PXDNL: variants seen among roughly 807,000 people sequenced by gnomAD.
PXDNL encodes probable oxidoreductase PXDNL.
PXDNL carries 145 observed loss-of-function variants against 150.8 expected under a neutral mutation model. The observed-to-expected ratio is 0.96, with a 90% CI of 0.84 to 1.10. The LOEUF (loss-of-function observed/expected upper bound fraction) is 1.10, where lower values mean the gene tolerates loss of function less well. PXDNL is among the 50% of genes least tolerant of loss of function. The probability of loss-of-function intolerance (pLI) is 0.00; values close to 1 mark genes in which losing one functional copy is unlikely to be tolerated. For missense variants in PXDNL, 2,087 were observed against 1,873.9 expected (o/e 1.11, Z -2.10); for synonymous variants, 757 against 725.7 (o/e 1.04, Z -0.69).
At chr8:51,329,518 AAC>A (rs1805616465) in intron 21 of PXDNL, among the ~76,000 whole-genome samples, 1 of 152,246 alleles carries the variant, frequency 6.6e-6, no homozygotes, top group African/African-American at 2.4e-5. Flanking sequence ...GAAGGGAAAA[AAC>A]ACAGTTTTAA....
chr8:51,757,186 A>AC (rs2037111332), intron 1 of PXDNL, among the ~76,000 whole-genome samples: 1 of 152,208 alleles, frequency 6.6e-6, no homozygotes. Flanking sequence ...AACATGTAAC[A>AC]GTAGTAACAA....
chr8:51,509,720 G>A (rs1474126736), intron 4 of PXDNL, among the ~76,000 whole-genome samples: 1 of 142,794 alleles, frequency 7.0e-6, no homozygotes, highest in Non-Finnish European at 1.5e-5. Context: ...GGTTCTGTGT[G>A]TACATATATA....
intron 1 of PXDNL, among the ~76,000 whole-genome samples, chr8:51,687,279 A>G (rs943063663): frequency 2.0e-5 from 3 of 152,340 alleles, no homozygotes; most frequent in Middle Eastern, 3.4e-3. Flanking sequence ...ATTTGTCATT[A>G]TATTTTAGGA....
intron 1 of PXDNL, among the ~76,000 whole-genome samples, chr8:51,682,357 G>A (rs1269455261): frequency 6.6e-6 from 1 of 152,118 alleles, no homozygotes; most frequent in Non-Finnish European, 1.5e-5. Context: ...AAGAGAATAG[G>A]CAATGACACC....
intron 1 of PXDNL, among the ~76,000 whole-genome samples, chr8:51,716,642 A>ATAT (rs1816621674): frequency 6.6e-6 from 1 of 152,230 alleles, no homozygotes; most frequent in African/African-American, 2.4e-5. Context: ...GATTTTCTCC[A>ATAT]TATTACTTTT....
chr8:51,664,289 C>T (rs1255827515), intron 1 of PXDNL, among the ~76,000 whole-genome samples: 1 of 152,122 alleles, frequency 6.6e-6, no homozygotes, highest in African/African-American at 2.4e-5. Context: ...TTACACAAAA[C>T]CAAAGCATAA....
chr8:51,497,484 A>T (rs1811078127), intron 5 of PXDNL, among the ~76,000 whole-genome samples: 1 of 152,236 alleles, frequency 6.6e-6, no homozygotes, highest in African/African-American at 2.4e-5. Context: ...AACTACCATC[A>T]GAGTGAACAG....
At chr8:51,649,817 C>A (rs1814996687) in intron 2 of PXDNL, among the ~76,000 whole-genome samples, 1 of 151,808 alleles carries the variant, frequency 6.6e-6, no homozygotes, top group South Asian at 2.1e-4. Flanking sequence ...CAGTGAAAAT[C>A]CAGGCCAGGC....
intron 19 of PXDNL, among the ~76,000 whole-genome samples, chr8:51,349,178 T>G (rs113594565): frequency 0.17 from 6,753 of 39,314 alleles, 505 homozygotes; most frequent in African/African-American, 0.27. Context: ...TGTGTGGGGG[T>G]GTGTGTGTGT....
At chr8:51,604,555 C>T (rs1338610555) in intron 2 of PXDNL, among the ~76,000 whole-genome samples, 4 of 151,970 alleles carry the variant, frequency 2.6e-5, no homozygotes, top group East Asian at 1.9e-4. Context: ...TGCTAAATGA[C>T]GAGTTAATGG....
intron 2 of PXDNL, among the ~76,000 whole-genome samples, chr8:51,649,644 G>A (rs889961355): frequency 8.2e-4 from 124 of 152,066 alleles, no homozygotes; most frequent in African/African-American, 2.7e-3. Context: ...TAGTTGGGGG[G>A]GAGTCTGTAA....
chr8:51,419,506 G>C (rs1467448487), intron 14 of PXDNL, among the ~76,000 whole-genome samples: 2 of 152,188 alleles, frequency 1.3e-5, no homozygotes, highest in African/African-American at 2.4e-5. Context: ...TTCCAGTTAT[G>C]GGTAAGGAAG....
rs1435455922 is a variant in PXDNL at position 51,472,247 on chromosome 8, A to G, written c.752T>C (p.Val251Ala). 3.7e-6 allele frequency: 6 copies of G among 1,613,706 alleles called. No homozygotes were observed. In the African/African-American group the frequency reaches 5.3e-5, roughly 14 times the overall value. The change falls in exon 8 of 23, where the codon GTC becomes GCC. Residue 251 changes from valine to alanine, a missense_variant. Val to Ala is a moderately conservative substitution (Grantham distance 64). Coordinates refer to ENST00000356297, the MANE Select transcript of PXDNL (RefSeq NM_144651.5). ...TCCTTCCGCCCGGCAGGTGAAGTAG[A>G]CGGTATTTCCTGATGGTACCTCCAC... ...QDVEVPSGNT[V>A]YFTCRAEGNP...
At chr8:51,330,469 G>A (rs138614325) in intron 21 of PXDNL, among the ~76,000 whole-genome samples, 53 of 152,120 alleles carry the variant, frequency 3.5e-4, no homozygotes, top group African/African-American at 1.1e-3. Flanking sequence ...CTGCAAAAAC[G>A]GTATCTTAGT....
chr8:51,344,745 T>A (rs540963477), intron 20 of PXDNL, among the ~76,000 whole-genome samples: 3 of 152,262 alleles, frequency 2.0e-5, no homozygotes, highest in Non-Finnish European at 4.4e-5. Flanking sequence ...TGCTAGGTAC[T>A]ATATTAGTAT....
At chr8:51,594,118 T>C (rs1163141287) in intron 2 of PXDNL, among the ~76,000 whole-genome samples, 1 of 152,238 alleles carries the variant, frequency 6.6e-6, no homozygotes, top group Non-Finnish European at 1.5e-5. Flanking sequence ...GAAATGACTA[T>C]TCTGTCCACC....
intron 16 of PXDNL, among the ~76,000 whole-genome samples, chr8:51,410,565 G>A (rs73579682): frequency 0.026 from 3,936 of 152,224 alleles, 157 homozygotes; most frequent in African/African-American, 0.091. Context: ...TCTGCACCAC[G>A]TCTCGGTTGA....
chr8:51,618,836 C>A (rs1281765430), intron 2 of PXDNL, among the ~76,000 whole-genome samples: 1 of 152,182 alleles, frequency 6.6e-6, no homozygotes, highest in Non-Finnish European at 1.5e-5. Context: ...GGTGCCCAGT[C>A]TGGATCTTCA....
intron 2 of PXDNL, among the ~76,000 whole-genome samples, chr8:51,639,355 G>A (rs1442400627): frequency 3.9e-5 from 6 of 152,136 alleles, no homozygotes; most frequent in Non-Finnish European, 8.8e-5. Context: ...TAAGATCAGA[G>A]CAGAACTGAA....
Sources: gnomAD v4.1 joint callset for allele counts (sites outside exome capture counted in the v4.1 genomes callset) on GRCh38, gnomAD v4.1.1 for gene constraint, MANE v1.5 for transcripts, NCBI Gene and HGNC (gene_info 2026-07-23, HGNC 2026-07-21) for gene names.